ANKRD26: variants seen among roughly 807,000 people sequenced by gnomAD.
ANKRD26 encodes the protein ankyrin repeat domain-containing protein 26.
A neutral mutation model predicts 208.7 loss-of-function variants in ANKRD26; 141 were observed. The ratio of observed to expected loss-of-function variants is 0.68; its 90% CI spans 0.59 to 0.78. The LOEUF (loss-of-function observed/expected upper bound fraction) is 0.78. ANKRD26 is among the 30% of genes least tolerant of loss of function. The probability of loss-of-function intolerance (pLI) is 0.00; values close to 1 mark genes in which losing one functional copy is unlikely to be tolerated. For missense variants in ANKRD26, 1,889 were observed against 1,938.7 expected (o/e 0.97, Z 0.48); for synonymous variants, 636 against 660.4 (o/e 0.96, Z 0.57).
the ANKRD26 span, among the ~76,000 whole-genome samples, chr10:26,967,398 T>C: frequency 2.0e-5 from 3 of 151,596 alleles, no homozygotes; most frequent in African/African-American, 4.9e-5. Flanking sequence ...CACTGAAATA[T>C]ATTCACTTCC....
chr10:27,000,418 A>T (rs1028202193), downstream of ANKRD26, among the ~76,000 whole-genome samples: 6 of 152,230 alleles, frequency 3.9e-5, no homozygotes, highest in African/African-American at 1.2e-4. Flanking sequence ...TCATTCTTGA[A>T]GTAGGAAAGA....
intron 29 of ANKRD26, among the ~76,000 whole-genome samples, chr10:27,020,193 A>G (rs2053439274): frequency 6.6e-6 from 1 of 152,232 alleles, no homozygotes; most frequent in Non-Finnish European, 1.5e-5. Flanking sequence ...AACATTGTAC[A>G]TATTTATGGC....
chr10:27,089,417 T>C (rs11015517), intron 4 of ANKRD26, among the ~76,000 whole-genome samples: 2,749 of 152,286 alleles, frequency 0.018, 70 homozygotes, highest in African/African-American at 0.062. Flanking sequence ...TTTTATCCCA[T>C]GCATAGGGGT....
intron 5 of ANKRD26, among the ~76,000 whole-genome samples, chr10:26,979,318 G>A (rs963889319): frequency 2.6e-5 from 4 of 152,146 alleles, no homozygotes; most frequent in Non-Finnish European, 4.4e-5. Context: ...TTGATGCCTT[G>A]ACCAAAAAAG....
At chr10:26,975,621 C>T (rs111926620) in exon 6 of ANKRD26, among the ~76,000 whole-genome samples, 1 of 151,890 alleles carries the variant, frequency 6.6e-6, no homozygotes, top group South Asian at 2.1e-4. Flanking sequence ...GCAGGTGGAT[C>T]ACCTGAGGTC....
chr10:27,044,267 A>T (rs1016844253), intron 18 of ANKRD26, 77 bp from the exon 19 acceptor site: 2 of 1,232,750 alleles, frequency 1.6e-6, no homozygotes, highest in Non-Finnish European at 2.2e-6. Context: ...TTGTTTTTTT[A>T]AATAAAAGCT....
rs1372972014 is a variant in ANKRD26, at chr10:27,077,411, T to C, written c.1004A>G (p.His335Arg). The C allele has an allele frequency of 3.1e-6, 5 of 1,613,726 alleles. No homozygotes were observed. The highest frequency in any genetic ancestry group is 4.2e-6 in the Non-Finnish European group (5 of 1,179,622). Residue 335 changes from histidine to arginine, a missense_variant, in exon 9 of 34, where the codon CAT (histidine) becomes CGT (arginine). His to Arg is a conservative substitution (Grantham distance 29). Around this residue, in one of 3 missense-constraint regions of ANKRD26, gnomAD observed 1,272 missense variants for 1,273.8 expected, o/e 1.00. Coordinates refer to ENST00000376087, the MANE Select transcript of ANKRD26 (RefSeq NM_014915.3). ...AAGGTCAGGTGATTGATAGGTAGGA[T>C]GAGAAAAGCACTGGACTTTGATTGA... ...TTSIKVQCFS[H>R]PTYQSPDLLP...
Position 27,014,487 on chromosome 10 carries a change from G to T in ANKRD26, c.4724+7C>A. 7 of 1,528,536 alleles carry T rather than the reference G, an allele frequency of 4.6e-6. No individual in the cohort carries two copies. Among genetic ancestry groups the T allele is most frequent in the South Asian group, 2.3e-5 (2 of 86,986 alleles). 94.7% of individuals were successfully genotyped at this position (1,528,536 alleles called of 1,614,324 possible). ...TTTATTTCCTATGATTCTATATTTT[G>T]ACTTACTTGGTTAGTTTACTTGACA... On this transcript the variant is annotated splice_region_variant and intron_variant, in intron 31 of 33. Transcript: ENST00000376087.
chr10:27,005,272 A>G lies in ANKRD26; in HGVS notation c.*318T>C, dbSNP rs2052831475. The G allele has an allele frequency of 1.9e-6, 2 of 1,074,354 alleles. No individual in the cohort carries two copies. The highest frequency in any genetic ancestry group is 2.3e-6 in the Non-Finnish European group (2 of 884,158). The allele number at this position is 1,074,354 out of a possible 1,614,324, so 66.6% of individuals were successfully genotyped here. On this transcript the variant is annotated 3_prime_UTR_variant, in exon 34 of 34. Coordinates refer to ENST00000376087, the MANE Select transcript of ANKRD26 (RefSeq NM_014915.3). ...CAATTAGACATCTACCACTACATAT[A>G]GTGATAAAAATTACAAAATACAAAT...
downstream of ANKRD26, among the ~76,000 whole-genome samples, chr10:26,972,160 G>C (rs925573872): frequency 1.3e-5 from 2 of 151,492 alleles, no homozygotes; most frequent in East Asian, 1.9e-4. Flanking sequence ...GCGTGATCCC[G>C]GGAGGCGGAG....
At chr10:27,099,902 T>A (rs1406993504) in intron 1 of ANKRD26, among the ~76,000 whole-genome samples, 183 bp downstream of exon 1, 1 of 152,174 alleles carries the variant, frequency 6.6e-6, no homozygotes, top group Non-Finnish European at 1.5e-5. Flanking sequence ...GCTAGAGTTC[T>A]GTTTTTGTTT....
intron 5 of ANKRD26, among the ~76,000 whole-genome samples, chr10:27,086,060 T>C (rs1476134326): frequency 6.6e-6 from 1 of 152,142 alleles, no homozygotes; most frequent in Non-Finnish European, 1.5e-5. Flanking sequence ...TTTGGGGGAC[T>C]TGAAAGTTAG....
the ANKRD26 span, among the ~76,000 whole-genome samples, chr10:26,958,072 T>TG: frequency 4.8e-5 from 6 of 125,872 alleles, no homozygotes; most frequent in Non-Finnish European, 1.1e-4. Flanking sequence ...ATCACCCAGT[T>TG]TTATATATAT....
downstream of ANKRD26, among the ~76,000 whole-genome samples, chr10:26,969,336 C>T (rs542624342): frequency 4.6e-5 from 7 of 152,296 alleles, no homozygotes; most frequent in African/African-American, 9.6e-5. Flanking sequence ...GATAACTACA[C>T]GGTTTTAGAA....
chr10:27,060,378 C>T lies in ANKRD26; in HGVS notation c.1531G>A (p.Gly511Arg). ...EMKDSVPNKAGGMKDVQTSKA... is the reference protein window; with the variant it reads ...EMKDSVPNKARGMKDVQTSKA... ...GATGTTTGTACATCCTTCATTCCTC[C>T]TGCTTTATTTGGAACAGAATCTTTC... The change falls in exon 15 of 34, where the codon GGA becomes AGA. Residue 511 changes from glycine (G) to arginine (R), a missense_variant. Physicochemically the swap from Gly to Arg is moderately radical, Grantham distance 125. Transcript: ENST00000376087. The T allele has an allele frequency of 6.2e-7, 1 of 1,612,898 alleles. No individual in the cohort carries two copies. Among genetic ancestry groups the T allele is most frequent in the South Asian group, 1.1e-5 (1 of 91,020 alleles).
intron 1 of ANKRD26, among the ~76,000 whole-genome samples, chr10:27,097,187 C>T (rs1419116226): frequency 6.8e-6 from 1 of 147,358 alleles, no homozygotes; most frequent in African/African-American, 2.5e-5. Context: ...ACCTCAAAAA[C>T]AAAAAAGGCC....
intron 4 of ANKRD26, among the ~76,000 whole-genome samples, chr10:27,088,837 A>G (rs1037507180): frequency 2.0e-5 from 3 of 152,218 alleles, no homozygotes; most frequent in African/African-American, 7.2e-5. Flanking sequence ...AGAAAAGACA[A>G]ACAAAAGCCT....
chr10:27,015,803 G>A (rs1306880927), intron 30 of ANKRD26, among the ~76,000 whole-genome samples: 3 of 152,148 alleles, frequency 2.0e-5, no homozygotes, highest in African/African-American at 7.2e-5. Context: ...TAAGCACAGG[G>A]GTCCCACGCA....
At chr10:27,091,406 A>G (rs570862027) in intron 4 of ANKRD26, among the ~76,000 whole-genome samples, 2 of 152,318 alleles carry the variant, frequency 1.3e-5, no homozygotes, top group South Asian at 4.1e-4. Flanking sequence ...AGTTTATCCA[A>G]TAAAAGCTGT....
Sources: gnomAD v4.1 joint callset for allele counts (sites outside exome capture counted in the v4.1 genomes callset) on GRCh38, gnomAD v4.1.1 for gene constraint, gnomAD v4.1.1 regional missense constraint, MANE v1.5 for transcripts, NCBI Gene and HGNC (gene_info 2026-07-23, HGNC 2026-07-21) for gene names.